Variants in CCDC7 observed in about 807,000 individuals in gnomAD.
The protein encoded by CCDC7 is coiled-coil domain-containing protein 7.
A neutral mutation model predicts 196.9 loss-of-function variants in CCDC7; 183 were observed. The ratio of observed to expected loss-of-function variants is 0.93; its 90% CI spans 0.82 to 1.05. CCDC7 has a LOEUF of 1.05. CCDC7 is among the 50% of genes least tolerant of loss of function. The pLI, the probability that CCDC7 is intolerant of heterozygous loss-of-function variation, is 0.00. For synonymous variants in CCDC7, 525 were observed against 484.6 expected (o/e 1.08, Z -1.10); for missense variants, 1,540 against 1,482.2 (o/e 1.04, Z -0.64).
At chr10:32,598,015 G>A (rs771048645) in intron 18 of CCDC7, among the ~76,000 whole-genome samples, 3 of 152,196 alleles carry the variant, frequency 2.0e-5, no homozygotes, top group East Asian at 1.9e-4. Context: ...TGGGAGAACC[G>A]CTACTCTCTT....
chr10:32,714,812 C>A (rs144186858), intron 25 of CCDC7, among the ~76,000 whole-genome samples: 5,387 of 152,208 alleles, frequency 0.035, 110 homozygotes, highest in Non-Finnish European at 0.05. Context: ...CCCACCACGG[C>A]GCAGCAAAGC....
At chr10:32,804,431 A>G (rs1197704934) in intron 29 of CCDC7, among the ~76,000 whole-genome samples, 4 of 152,158 alleles carry the variant, frequency 2.6e-5, no homozygotes, top group Non-Finnish European at 5.9e-5. Context: ...GTTTTCCTCA[A>G]TCTACAAGAT....
At chr10:32,500,573 G>A (rs1264860474) in intron 9 of CCDC7, among the ~76,000 whole-genome samples, 4 of 151,732 alleles carry the variant, frequency 2.6e-5, no homozygotes, top group Non-Finnish European at 4.4e-5. Context: ...CTGGGCGGCC[G>A]GGCAGAGGGG....
chr10:32,727,171 G>A (rs112991314), intron 26 of CCDC7, among the ~76,000 whole-genome samples: 12 of 152,108 alleles, frequency 7.9e-5, no homozygotes, highest in African/African-American at 2.7e-4. Context: ...CACGTGTAGC[G>A]ATGTTGTTCT....
intron 24 of CCDC7, among the ~76,000 whole-genome samples, chr10:32,695,994 AC>A (rs537501091): frequency 1.2e-4 from 3 of 24,416 alleles, no homozygotes; most frequent in East Asian, 7.1e-3. Flanking sequence ...AGCAATGAAG[AC>A]TTTTTTTTTT....
intron 8 of CCDC7, among the ~76,000 whole-genome samples, chr10:32,491,111 A>G (rs952417700): frequency 7.9e-5 from 12 of 152,058 alleles, no homozygotes; most frequent in African/African-American, 2.9e-4. Context: ...CCATTCTTTA[A>G]GGCTTAGCTT....
intron 25 of CCDC7, among the ~76,000 whole-genome samples, chr10:32,714,378 A>G (rs2081282560): frequency 6.6e-6 from 1 of 152,124 alleles, no homozygotes; most frequent in African/African-American, 2.4e-5. Context: ...CCCAGATACT[A>G]TGCTTTTCCC....
chr10:32,864,521 A>G (rs961476081), intron 41 of CCDC7, among the ~76,000 whole-genome samples: 1 of 151,406 alleles, frequency 6.6e-6, no homozygotes, highest in African/African-American at 2.4e-5. Context: ...TATATTACAT[A>G]ATGCAATTAA....
chr10:32,446,986 T>C (rs1422299229), upstream of CCDC7, among the ~76,000 whole-genome samples: 1 of 94,704 alleles, frequency 1.1e-5, no homozygotes, highest in Admixed American at 1.3e-4. Context: ...TCACACTTTT[T>C]TGGGGAGAGA....
Position 32,641,718 on chromosome 10 carries a change from G to T in CCDC7, c.2014+6560G>T, listed in dbSNP as rs548605484. ...GAGGAGCTGCGTTCCTTTGGAGGAG[G>T]AGTGGTGCTCTGATTTTTAGAGTTT... is the stretch of plus-strand genomic sequence containing the variant. On this transcript the variant is annotated intron_variant, in intron 20 of 41. Transcript: ENST00000639629. Among the ~76,000 whole-genome samples the T allele has an allele frequency of 3.3e-5, 5 of 152,314 alleles. No homozygotes were observed. The South Asian group carries it at 1.0e-3, about 32-fold the overall frequency.
intron 28 of CCDC7, among the ~76,000 whole-genome samples, chr10:32,747,187 C>A (rs1021479053): frequency 1.3e-5 from 2 of 152,162 alleles, no homozygotes; most frequent in Non-Finnish European, 2.9e-5. Context: ...ACTGGACCCC[C>A]CTTCCTTTCA....
Position 32,845,964 on chromosome 10 carries a change from G to A in CCDC7, c.3604+5G>A. ...CACAACTGAAGAGTCACCGAGGTAA[G>A]AGAAAGAATTTTTCAAGTCTAATAT... On this transcript the variant is annotated splice_donor_5th_base_variant and intron_variant, in intron 36 of 41. Transcript: ENST00000639629. 6.2e-7 allele frequency: 1 copy of A among 1,602,140 alleles called. No individual in the cohort carries two copies. The highest frequency in any genetic ancestry group is 8.5e-7 in the Non-Finnish European group (1 of 1,170,802).
At chr10:32,711,815 G>C (rs2080887092) in intron 25 of CCDC7, 85 bp downstream of exon 26, 2 of 641,056 alleles carry the variant, frequency 3.1e-6, no homozygotes, top group Non-Finnish European at 5.0e-6. Flanking sequence ...TTACGTATTT[G>C]AGAACATATA....
chr10:32,690,677 T>C (rs1297063973), intron 23 of CCDC7, among the ~76,000 whole-genome samples: 1 of 152,234 alleles, frequency 6.6e-6, no homozygotes, highest in Non-Finnish European at 1.5e-5. Flanking sequence ...TTTCTGTTTC[T>C]TCCTAGGAAG....
At chr10:32,791,188 G>C (rs1021746613) in intron 29 of CCDC7, among the ~76,000 whole-genome samples, 1 of 151,454 alleles carries the variant, frequency 6.6e-6, no homozygotes, top group Non-Finnish European at 1.5e-5. Context: ...ACCTGGAACC[G>C]CAGCCACCAC....
rs187005037 is a variant in CCDC7, at chr10:32,584,553, C to G, written c.1801+249C>G. 7.0e-3 allele frequency among the ~76,000 whole-genome samples: 1,059 copies of G among 150,350 alleles called. 12 individuals are homozygous for G. Among genetic ancestry groups the G allele is most frequent in the Non-Finnish European group, 8.3e-3 (558 of 67,556 alleles). ...CGGGTGGATCACGAGGTCAGGAGTT[C>G]GAGCCCAGCCTAACCAACATGATGA... On this transcript the variant is annotated intron_variant, in intron 18 of 41. Transcript: ENST00000639629.
At position 32,669,898 on chromosome 10, in the gene CCDC7, G is replaced by A. The variant is rs537916981; in HGVS notation, c.2122+5737G>A. Reference sequence around the variant, plus strand: ...CAGTAGAATGTTTGTATTGTTATACGTGAATTCTCTTTCTTCTCAGTAAAA... The same window carrying A: ...CAGTAGAATGTTTGTATTGTTATACATGAATTCTCTTTCTTCTCAGTAAAA... On this transcript the variant is annotated intron_variant, in intron 21 of 41. Transcript: ENST00000639629. Among the ~76,000 whole-genome samples the A allele has an allele frequency of 6.6e-5, 10 of 152,014 alleles. No individual in the cohort carries two copies. The South Asian group carries it at 8.3e-4, about 13-fold the overall frequency.
At chr10:32,804,967 T>C (rs762322389) in intron 29 of CCDC7, 48 bp from the exon 31 acceptor site, 2 of 1,175,460 alleles carry the variant, frequency 1.7e-6, no homozygotes, top group African/African-American at 1.5e-5. Context: ...CACATTCCTA[T>C]GTAAGGATTA....
chr10:32,689,340 G>T (rs946223532), intron 23 of CCDC7, among the ~76,000 whole-genome samples, 177 bp downstream of exon 24: 9 of 152,164 alleles, frequency 5.9e-5, no homozygotes, highest in Admixed American at 3.3e-4. Context: ...CTGGCCCTTA[G>T]ATTATTTCAT....
Sources: allele counts gnomAD v4.1 joint callset (sites outside exome capture counted in the v4.1 genomes callset), GRCh38; gene constraint gnomAD v4.1.1; transcripts MANE v1.5; gene names NCBI Gene and HGNC (gene_info 2026-07-23, HGNC 2026-07-21).